KHDRBS2: variants seen among roughly 807,000 people sequenced by gnomAD.
KHDRBS2 encodes KH domain-containing, RNA-binding, signal transduction-associated protein 2.
A neutral mutation model predicts 44.3 loss-of-function variants in KHDRBS2; 26 were observed. That is an observed-to-expected ratio of 0.59 (90% CI 0.43 to 0.81). The LOEUF (loss-of-function observed/expected upper bound fraction) is 0.81. Among genes scored for constraint, KHDRBS2 ranks in the 40% least tolerant of loss-of-function variants. The probability of loss-of-function intolerance (pLI) is 0.00; values close to 1 mark genes in which losing one functional copy is unlikely to be tolerated. For missense variants in KHDRBS2, 476 were observed against 433.1 expected, an observed-to-expected ratio of 1.10 and a Z score of -0.88; for synonymous variants, 194 against 151.1, an observed-to-expected ratio of 1.28 and a Z score of -2.08.
chr6:62,108,630 A>G (rs1804157423), intron 2 of KHDRBS2, among the ~76,000 whole-genome samples: 1 of 152,230 alleles, frequency 6.6e-6, no homozygotes. Context: ...TCATGTTGTT[A>G]TAAAGACACA....
intron 6 of KHDRBS2, among the ~76,000 whole-genome samples, chr6:61,805,011 T>C (rs543914669): frequency 1.6e-4 from 25 of 152,324 alleles, no homozygotes; most frequent in African/African-American, 5.8e-4. Context: ...TTCTTTTCTA[T>C]TGCATCATCA....
rs556040834 is a variant in KHDRBS2 at position 62,186,173 on chromosome 6, G to T, written c.92-8861C>A. 2.0e-5 allele frequency among the ~76,000 whole-genome samples: 3 copies of T among 152,134 alleles called. No homozygotes were observed. In the South Asian group the frequency reaches 6.2e-4, roughly 32 times the overall value. ...AAGCCTTTTCTATGTATTAGGCAAT[G>T]ATCAATTTCTGCACATATTCTAGTT... On this transcript the variant is annotated intron_variant, in intron 1 of 8. Coordinates refer to ENST00000281156, the MANE Select transcript of KHDRBS2 (RefSeq NM_152688.4).
At chr6:61,577,419 C>A in the KHDRBS2 span, among the ~76,000 whole-genome samples, 1 of 152,090 alleles carries the variant, frequency 6.6e-6, no homozygotes, top group Non-Finnish European at 1.5e-5. Flanking sequence ...AGGCCTACAC[C>A]GTGTCAGAGA....
chr6:61,940,417 C>T (rs1195091788), intron 4 of KHDRBS2, among the ~76,000 whole-genome samples: 2 of 152,072 alleles, frequency 1.3e-5, no homozygotes, highest in Admixed American at 6.5e-5. Flanking sequence ...CAATCCTCGC[C>T]GGCCCTACAA....
At chr6:61,656,331 C>T in the KHDRBS2 span, among the ~76,000 whole-genome samples, 1 of 151,946 alleles carries the variant, frequency 6.6e-6, no homozygotes. Context: ...TATATATTAA[C>T]TCATTCATCA....
chr6:61,567,863 G>T, the KHDRBS2 span, among the ~76,000 whole-genome samples: 1 of 151,910 alleles, frequency 6.6e-6, no homozygotes, highest in African/African-American at 2.4e-5. Flanking sequence ...TAGCCTTTTT[G>T]GATGTGAGGG....
At chr6:61,750,076 G>A (rs1777445442) in intron 6 of KHDRBS2, among the ~76,000 whole-genome samples, 1 of 152,022 alleles carries the variant, frequency 6.6e-6, no homozygotes, top group Non-Finnish European at 1.5e-5. Flanking sequence ...AAGAGTAGAA[G>A]ATATCAGATA....
intron 1 of KHDRBS2, among the ~76,000 whole-genome samples, chr6:62,199,913 C>A (rs952342768): frequency 6.6e-5 from 10 of 152,060 alleles, no homozygotes; most frequent in African/African-American, 2.4e-4. Flanking sequence ...CAGAACAGAG[C>A]CCTCAGAAAT....
intron 4 of KHDRBS2, among the ~76,000 whole-genome samples, chr6:61,936,878 T>TA (rs1439732791): frequency 1.3e-5 from 2 of 152,074 alleles, no homozygotes; most frequent in African/African-American, 2.4e-5. Flanking sequence ...TCTAAAAGGT[T>TA]AAAAAACTTC....
intron 2 of KHDRBS2, among the ~76,000 whole-genome samples, chr6:62,068,735 C>T (rs189023847): frequency 6.6e-6 from 1 of 151,568 alleles, no homozygotes; most frequent in Non-Finnish European, 1.5e-5. Flanking sequence ...TTTCCCAGTA[C>T]CATTTGTTGA....
At chr6:61,775,392 C>A (rs1387232469) in intron 6 of KHDRBS2, among the ~76,000 whole-genome samples, 1 of 152,024 alleles carries the variant, frequency 6.6e-6, no homozygotes, top group Non-Finnish European at 1.5e-5. Flanking sequence ...CTAGAAAACC[C>A]CATCATCTCA....
chr6:61,620,534 A>G, the KHDRBS2 span, among the ~76,000 whole-genome samples: 7 of 152,168 alleles, frequency 4.6e-5, no homozygotes, highest in East Asian at 7.7e-4. Context: ...AAGTTACTCA[A>G]TGTTGCTAAG....
At chr6:61,764,365 T>G (rs1010360108) in intron 6 of KHDRBS2, among the ~76,000 whole-genome samples, 2 of 152,194 alleles carry the variant, frequency 1.3e-5, no homozygotes, top group African/African-American at 2.4e-5. Context: ...GATTGCTGGG[T>G]AAAATGGTAT....
the KHDRBS2 span, among the ~76,000 whole-genome samples, chr6:61,607,077 C>T: frequency 6.6e-6 from 1 of 151,992 alleles, no homozygotes; most frequent in East Asian, 1.9e-4. Context: ...GAAAAAACTT[C>T]AGGATACGCA....
At chr6:61,621,678 G>A in the KHDRBS2 span, among the ~76,000 whole-genome samples, 9 of 152,296 alleles carry the variant, frequency 5.9e-5, no homozygotes, top group East Asian at 5.8e-4. Flanking sequence ...AATGATCCAC[G>A]TTCTTGTATA....
intron 2 of KHDRBS2, among the ~76,000 whole-genome samples, chr6:62,061,113 T>C (rs907011423): frequency 2.6e-5 from 4 of 151,976 alleles, no homozygotes; most frequent in African/African-American, 9.7e-5. Flanking sequence ...CTGATGGGTC[T>C]TGACTCTTTA....
In KHDRBS2 at chr6:61,857,158, T is replaced by G. The variant is rs1403326029; in HGVS notation, c.810+37477A>C. Among the ~76,000 whole-genome samples the G allele has an allele frequency of 3.3e-5, 5 of 152,222 alleles. No individual in the cohort carries two copies. In the East Asian group the frequency reaches 9.7e-4, roughly 29 times the overall value. The stretch of plus-strand genomic sequence containing the variant: ...CCTTCACGGAGGTCCTTTTCTTTTC[T>G]TTTTAAGATTCATGGATTTCAGTAA... On this transcript the variant is annotated intron_variant, in intron 6 of 8. Coordinates refer to ENST00000281156, the MANE Select transcript of KHDRBS2 (RefSeq NM_152688.4).
chr6:61,928,736 A>G (rs747698554), intron 4 of KHDRBS2, among the ~76,000 whole-genome samples: 8 of 152,108 alleles, frequency 5.3e-5, no homozygotes, highest in Non-Finnish European at 8.8e-5. Context: ...TATAGGACAT[A>G]TATGTTTTCT....
rs551838054 is a variant in KHDRBS2 at position 62,065,038 on chromosome 6, G to A, written c.220-17044C>T. Among the ~76,000 whole-genome samples, 361 of 152,146 alleles carry A rather than the reference G, an allele frequency of 2.4e-3. 10 individuals are homozygous for A. The South Asian group carries it at 0.052, about 22-fold the overall frequency. The stretch of plus-strand genomic sequence containing the variant: ...CAAAAAAACACATGAAAAAATGCTC[G>A]TCATCACTAGCCATCAGAGAAACGC... On this transcript the variant is annotated intron_variant, in intron 2 of 8. Transcript: ENST00000281156.
Sources: allele counts gnomAD v4.1 joint callset (sites outside exome capture counted in the v4.1 genomes callset), GRCh38; gene constraint gnomAD v4.1.1; transcripts MANE v1.5; gene names NCBI Gene and HGNC (gene_info 2026-07-23, HGNC 2026-07-21).